Variants in SMIM13 observed in about 807,000 individuals in gnomAD.
SMIM13 encodes UPF0766 protein C6orf228.
SMIM13 carries 3 observed loss-of-function variants against 5.9 expected under a neutral mutation model. The ratio of observed to expected loss-of-function variants is 0.51; its 90% CI spans 0.23 to 1.31. The LOEUF (loss-of-function observed/expected upper bound fraction) is 1.31. SMIM13 is among the 40% of genes most tolerant of loss of function. SMIM13 has a pLI of 0.18. For missense variants in SMIM13, 85 were observed against 109.9 expected, an observed-to-expected ratio of 0.77 and a Z score of 1.01; for synonymous variants, 55 against 46.0, an observed-to-expected ratio of 1.19 and a Z score of -0.79.
In SMIM13 at chr6:11,094,264, A is replaced by G. The variant is rs1032371873; in HGVS notation, c.-50A>G. The G allele has an allele frequency of 3.3e-6, 4 of 1,220,246 alleles. No individual in the cohort carries two copies. Among genetic ancestry groups the G allele is most frequent in the Non-Finnish European group, 4.2e-6 (4 of 943,532 alleles). 75.6% of individuals were successfully genotyped at this position (1,220,246 alleles called of 1,614,324 possible). A position where few individuals can be genotyped will look rare whatever the true frequency, so the allele number is the denominator to read the frequency against. ...GCAGGACGCGCCGCCGCCCGCGCTCACCGCCGTCCGCGCCAGCCGCCCCGA... is the reference window on the plus strand; with the variant it reads ...GCAGGACGCGCCGCCGCCCGCGCTCGCCGCCGTCCGCGCCAGCCGCCCCGA... On this transcript the variant is annotated 5_prime_UTR_variant, in exon 1 of 2. Coordinates refer to ENST00000416247, the MANE Select transcript of SMIM13 (RefSeq NM_001135575.2).
chr6:11,135,997 A>G lies in SMIM13; in HGVS notation c.*1395A>G, dbSNP rs1435990385. On this transcript the variant is annotated 3_prime_UTR_variant, in exon 2 of 2. Transcript: ENST00000416247. ...CTGACTCTTACAATGTTAAACTTGT[A>G]ATCCTGTGTGAAACACATGTTTTTG... 6.6e-6 allele frequency: 1 copy of G among 152,206 alleles called. No individual in the cohort carries two copies. The highest frequency in any genetic ancestry group is 1.5e-5 in the Non-Finnish European group (1 of 68,034). 9.4% of individuals were successfully genotyped at this position (152,206 alleles called of 1,614,324 possible). A position where few individuals can be genotyped will look rare whatever the true frequency, so the allele number is the denominator to read the frequency against.
intron 1 of SMIM13, among the ~76,000 whole-genome samples, chr6:11,126,688 T>C (rs189024962): frequency 6.8e-6 from 1 of 147,656 alleles, no homozygotes; most frequent in Non-Finnish European, 1.5e-5. Context: ...CTTCTGGATG[T>C]TTATTGGTGT....
chr6:11,118,357 G>A (rs1438573168), intron 1 of SMIM13, among the ~76,000 whole-genome samples: 1 of 152,228 alleles, frequency 6.6e-6, no homozygotes, highest in African/African-American at 2.4e-5. Context: ...ACTCTTCAGA[G>A]CAGACATTGA....
At chr6:11,125,384 T>TC (rs1758365304) in intron 1 of SMIM13, among the ~76,000 whole-genome samples, 1 of 147,514 alleles carries the variant, frequency 6.8e-6, no homozygotes, top group Admixed American at 6.9e-5. Context: ...TCCCTTGAAA[T>TC]CAGGAGTTTG....
intron 1 of SMIM13, among the ~76,000 whole-genome samples, chr6:11,107,896 C>T (rs1019720819): frequency 1.3e-5 from 2 of 152,218 alleles, no homozygotes; most frequent in East Asian, 1.9e-4. Context: ...ACAAGGATAG[C>T]TAGAAGGATT....
chr6:11,131,873 T>C (rs1189602293), intron 1 of SMIM13, among the ~76,000 whole-genome samples: 4 of 152,292 alleles, frequency 2.6e-5, no homozygotes, highest in African/African-American at 7.2e-5. Context: ...AGTGGTTTCC[T>C]AGATATGCCA....
chr6:11,134,255 C>CA (rs1758488954), intron 1 of SMIM13, 148 bp from the exon 2 acceptor site: 6 of 519,196 alleles, frequency 1.2e-5, no homozygotes, highest in Non-Finnish European at 2.0e-5. Flanking sequence ...ATTCCTTGTA[C>CA]AAAAAATGTT....
At chr6:11,128,470 G>T (rs1425296931) in intron 1 of SMIM13, among the ~76,000 whole-genome samples, 5 of 152,162 alleles carry the variant, frequency 3.3e-5, no homozygotes, top group Non-Finnish European at 7.3e-5. Flanking sequence ...CGACCTGTGA[G>T]CTGTACTGCT....
intron 1 of SMIM13, among the ~76,000 whole-genome samples, chr6:11,102,102 G>A (rs1758002254): frequency 6.6e-6 from 1 of 152,112 alleles, no homozygotes; most frequent in Admixed American, 6.5e-5. Context: ...TAGGAACCAT[G>A]GAGATGTAAA....
intron 1 of SMIM13, among the ~76,000 whole-genome samples, chr6:11,096,690 G>A (rs959748662): frequency 7.1e-5 from 10 of 140,828 alleles, no homozygotes; most frequent in African/African-American, 2.8e-4. Context: ...TCTTTGTTTT[G>A]CTTTTTTTTT....
At position 11,094,370 on chromosome 6, in the gene SMIM13, C is replaced by T. The variant is rs749045571; in HGVS notation, c.57C>T (p.Val19=). 5.9e-6 allele frequency: 9 copies of T among 1,537,498 alleles called. No individual in the cohort carries two copies. Among genetic ancestry groups the T allele is most frequent in the South Asian group, 2.4e-5 (2 of 83,714 alleles). ...LLVFVATLLI[V]LLLMVCGWYF... ...TGTTCGTGGCCACGCTGCTGATCGTCCTGCTGCTGATGGTGTGCGGTGAGT... is the reference window on the plus strand; with the variant it reads ...TGTTCGTGGCCACGCTGCTGATCGTTCTGCTGCTGATGGTGTGCGGTGAGT... The change falls in exon 1 of 2, where the codon GTC becomes GTT. Residue 19 remains valine, a synonymous_variant. Transcript: ENST00000416247.
intron 1 of SMIM13, among the ~76,000 whole-genome samples, chr6:11,109,420 G>C (rs1382731964): frequency 6.6e-6 from 1 of 152,168 alleles, no homozygotes; most frequent in African/African-American, 2.4e-5. Flanking sequence ...GGGAGGAGAA[G>C]GCTTCTGGGA....
At chr6:11,123,389 G>GCTA (rs889328672) in intron 1 of SMIM13, among the ~76,000 whole-genome samples, 4 of 152,058 alleles carry the variant, frequency 2.6e-5, no homozygotes, top group Admixed American at 2.6e-4. Flanking sequence ...TTTTGTTTAA[G>GCTA]CTAAGTCTTT....
At chr6:11,124,735 T>C (rs1311193130) in intron 1 of SMIM13, among the ~76,000 whole-genome samples, 1 of 152,196 alleles carries the variant, frequency 6.6e-6, no homozygotes, top group Non-Finnish European at 1.5e-5. Context: ...TGATATCTCA[T>C]TGTAGTTTCG....
chr6:11,118,772 G>C (rs1758273030), intron 1 of SMIM13, among the ~76,000 whole-genome samples: 1 of 152,176 alleles, frequency 6.6e-6, no homozygotes, highest in South Asian at 2.1e-4. Context: ...GATGGTAACA[G>C]AGCTAATATT....
chr6:11,134,580 A>C lies in SMIM13; in HGVS notation c.254A>C (p.Glu85Ala). ...SARQRRAPAD[E>A]GHRPLT ...CGCCAAAGGAGGGCACCTGCTGATGAAGGCCACAGACCCCTGACATAGTCC... is the reference window on the plus strand; with the variant it reads ...CGCCAAAGGAGGGCACCTGCTGATGCAGGCCACAGACCCCTGACATAGTCC... Residue 85 changes from glutamate (E) to alanine (A), a missense_variant, in exon 2 of 2, where the codon GAA becomes GCA. By Grantham distance (107) the Glu-to-Ala change is moderately radical. Transcript: ENST00000416247. The C allele has an allele frequency of 6.5e-7, 1 of 1,548,468 alleles. No individual in the cohort carries two copies. The highest frequency in any genetic ancestry group is 8.7e-7 in the Non-Finnish European group (1 of 1,145,362).
chr6:11,135,121 A>G lies in SMIM13; in HGVS notation c.*519A>G, dbSNP rs1036338802. ...TAATTGACATTTTAAAATGTCTTCA[A>G]AAAGATCACACTATGATTCAGCATT... is the stretch of plus-strand genomic sequence containing the variant. On this transcript the variant is annotated 3_prime_UTR_variant, in exon 2 of 2. Coordinates refer to ENST00000416247, the MANE Select transcript of SMIM13 (RefSeq NM_001135575.2). 1.3e-5 allele frequency: 2 copies of G among 152,658 alleles called. No individual in the cohort carries two copies. Among genetic ancestry groups the G allele is most frequent in the African/African-American group, 4.8e-5 (2 of 41,452 alleles). 9.5% of individuals were successfully genotyped at this position (152,658 alleles called of 1,614,324 possible).
intron 1 of SMIM13, chr6:11,104,755 G>C (rs1353653553): frequency 6.2e-7 from 1 of 1,614,214 alleles, no homozygotes; most frequent in Non-Finnish European, 8.5e-7. Context: ...GATTTATCTA[G>C]CAAAGTTCCC....
chr6:11,100,688 A>G (rs542036761), intron 1 of SMIM13, among the ~76,000 whole-genome samples: 21 of 152,220 alleles, frequency 1.4e-4, no homozygotes, highest in African/African-American at 4.8e-4. Context: ...AAATGTCTCT[A>G]TTTATTTATA....
Sources: allele counts gnomAD v4.1 joint callset (sites outside exome capture counted in the v4.1 genomes callset), GRCh38; gene constraint gnomAD v4.1.1; transcripts MANE v1.5; gene names NCBI Gene and HGNC (gene_info 2026-07-23, HGNC 2026-07-21).